The following SPATA16 variants were observed in gnomAD, a reference collection of about 807,000 sequenced individuals.
SPATA16 encodes the protein spermatogenesis-associated protein 16.
Under a neutral mutation model 63.3 loss-of-function variants are expected in SPATA16, and 36 were observed. The ratio of observed to expected loss-of-function variants is 0.57; its 90% CI spans 0.44 to 0.75. SPATA16 has a LOEUF of 0.75. SPATA16 is among the 30% of genes least tolerant of loss of function. The probability of loss-of-function intolerance (pLI) is 0.00; values close to 1 mark genes in which losing one functional copy is unlikely to be tolerated. For missense variants in SPATA16, 646 were observed against 679.3 expected (o/e 0.95, Z 0.54); for synonymous variants, 203 against 216.7 (o/e 0.94, Z 0.56).
chr3:172,955,078 C>T (rs373964461), intron 6 of SPATA16, among the ~76,000 whole-genome samples: 20 of 152,308 alleles, frequency 1.3e-4, no homozygotes, highest in African/African-American at 4.8e-4. Flanking sequence ...CATAATTCAT[C>T]TTGATAACAG....
intron 4 of SPATA16, among the ~76,000 whole-genome samples, chr3:172,984,884 T>C (rs539425146): frequency 6.6e-6 from 1 of 152,342 alleles, no homozygotes; most frequent in South Asian, 2.1e-4. Context: ...GAGCTTATCA[T>C]GTACATAGCA....
intron 6 of SPATA16, among the ~76,000 whole-genome samples, chr3:172,941,177 A>G (rs915268342): frequency 3.3e-5 from 5 of 152,178 alleles, no homozygotes; most frequent in Non-Finnish European, 7.3e-5. Flanking sequence ...CATGGAGAAC[A>G]TGGACAATTT....
chr3:173,136,712 T>C (rs902445827), intron 1 of SPATA16, among the ~76,000 whole-genome samples: 12 of 152,030 alleles, frequency 7.9e-5, no homozygotes, highest in African/African-American at 2.9e-4. Context: ...CTCCCTGCAG[T>C]TGTTTGTTAT....
chr3:172,990,723 T>A (rs1220975760), intron 4 of SPATA16, among the ~76,000 whole-genome samples: 1 of 152,210 alleles, frequency 6.6e-6, no homozygotes, highest in Admixed American at 6.6e-5. Flanking sequence ...TAAAGTGTTA[T>A]GCTCTTGCCA....
At chr3:173,013,062 A>T (rs1735106630) in intron 4 of SPATA16, among the ~76,000 whole-genome samples, 1 of 152,210 alleles carries the variant, frequency 6.6e-6, no homozygotes, top group African/African-American at 2.4e-5. Context: ...AACTTAAGCA[A>T]AAAACAAGCA....
chr3:173,111,492 C>A (rs1197107186), intron 2 of SPATA16, among the ~76,000 whole-genome samples: 1 of 152,122 alleles, frequency 6.6e-6, no homozygotes, highest in African/African-American at 2.4e-5. Flanking sequence ...TATGCAAATC[C>A]ACAGATTGCA....
intron 4 of SPATA16, among the ~76,000 whole-genome samples, chr3:173,004,676 T>G (rs1734900651): frequency 6.6e-6 from 1 of 152,240 alleles, no homozygotes; most frequent in South Asian, 2.1e-4. Flanking sequence ...TAGCTTCATC[T>G]GTCTTCAAAG....
At chr3:172,944,279 T>A (rs1733230515) in intron 6 of SPATA16, among the ~76,000 whole-genome samples, 1 of 152,156 alleles carries the variant, frequency 6.6e-6, no homozygotes, top group African/African-American at 2.4e-5. Flanking sequence ...TCACTAATCA[T>A]TAAGGAAATG....
intron 2 of SPATA16, among the ~76,000 whole-genome samples, chr3:173,081,023 C>A (rs1300213622): frequency 6.6e-6 from 1 of 152,152 alleles, no homozygotes. Context: ...AGGCAACACC[C>A]AAACTGCTGC....
At chr3:172,934,852 A>C (rs1299961015) in intron 6 of SPATA16, among the ~76,000 whole-genome samples, 2 of 152,178 alleles carry the variant, frequency 1.3e-5, no homozygotes, top group Non-Finnish European at 2.9e-5. Context: ...AGATATTGCT[A>C]TCCACTCTTT....
chr3:173,112,476 G>A (rs1161833065), intron 2 of SPATA16, among the ~76,000 whole-genome samples: 1 of 152,152 alleles, frequency 6.6e-6, no homozygotes, highest in Non-Finnish European at 1.5e-5. Flanking sequence ...CCAGATAAGC[G>A]GATCCCGACT....
intron 6 of SPATA16, among the ~76,000 whole-genome samples, chr3:172,926,373 A>AATATTTACTGAGT (rs1206170289): frequency 2.0e-5 from 3 of 152,214 alleles, no homozygotes; most frequent in Non-Finnish European, 2.9e-5. Flanking sequence ...TGTAAGAGCT[A>AATATTTACTGAGT]ATATTTACTG....
chr3:173,003,099 T>C (rs1454568325), intron 4 of SPATA16, among the ~76,000 whole-genome samples: 1 of 152,130 alleles, frequency 6.6e-6, no homozygotes, highest in East Asian at 1.9e-4. Context: ...AAAGACACCA[T>C]GAAGTTATCT....
chr3:172,949,888 A>T (rs914199806), intron 6 of SPATA16, among the ~76,000 whole-genome samples: 1 of 152,152 alleles, frequency 6.6e-6, no homozygotes, highest in Non-Finnish European at 1.5e-5. Context: ...GGAAGCTGCC[A>T]TGTGAATGTT....
chr3:172,924,841 T>C (rs532449306), intron 7 of SPATA16, among the ~76,000 whole-genome samples: 1 of 152,200 alleles, frequency 6.6e-6, no homozygotes, highest in Non-Finnish European at 1.5e-5. Context: ...TTCAACTCCA[T>C]GTGAATATTT....
At position 173,076,392 on chromosome 3, in the gene SPATA16, TA is replaced by T. The variant is rs201276264; in HGVS notation, c.613-27299del. 3.9e-3 allele frequency among the ~76,000 whole-genome samples: 561 copies of T among 143,248 alleles called. 2 individuals are homozygous for T. The highest frequency in any genetic ancestry group is 0.014 in the African/African-American group (519 of 37,388). The allele number at this position is 143,248 out of a possible 152,430, so 94.0% of individuals were successfully genotyped here. On this transcript the variant is annotated intron_variant, in intron 2 of 10. Coordinates refer to ENST00000351008, the MANE Select transcript of SPATA16 (RefSeq NM_031955.6). ...ACCAGGTCTGAAATCCTGGTTAGTATAAAATTTTTTTTTTTTAAATCAGCAC... is the reference window on the plus strand; with the variant it reads ...ACCAGGTCTGAAATCCTGGTTAGTATAAATTTTTTTTTTTTAAATCAGCAC...
At chr3:173,029,349 C>T (rs1290701799) in intron 3 of SPATA16, among the ~76,000 whole-genome samples, 4 of 151,710 alleles carry the variant, frequency 2.6e-5, no homozygotes, top group Non-Finnish European at 5.9e-5. Flanking sequence ...AAGGTATGAG[C>T]CTCCAGGGTC....
At chr3:172,955,139 G>GT (rs1157560829) in intron 6 of SPATA16, among the ~76,000 whole-genome samples, 1 of 152,090 alleles carries the variant, frequency 6.6e-6, no homozygotes, top group African/African-American at 2.4e-5. Flanking sequence ...TGTTATTATT[G>GT]TTTTTAAACT....
intron 3 of SPATA16, among the ~76,000 whole-genome samples, chr3:173,028,074 CCTTT>C (rs1375542661): frequency 0.018 from 1,767 of 97,640 alleles, 65 homozygotes; most frequent in Non-Finnish European, 0.024. Flanking sequence ...TTCCTTCCTT[CCTTT>C]CTCTCTCTCT....
Sources: gnomAD v4.1 joint callset for allele counts (sites outside exome capture counted in the v4.1 genomes callset) on GRCh38, gnomAD v4.1.1 for gene constraint, MANE v1.5 for transcripts, NCBI Gene and HGNC (gene_info 2026-07-23, HGNC 2026-07-21) for gene names.